Variants in KANK2 observed in about 807,000 individuals in gnomAD.
KANK2 encodes the protein KN motif and ankyrin repeat domains 2.
Under a neutral mutation model 74.6 loss-of-function variants are expected in KANK2, and 41 were observed. The ratio of observed to expected loss-of-function variants is 0.55; its 90% CI spans 0.43 to 0.71. KANK2 has a LOEUF of 0.71. Among genes scored for constraint, KANK2 ranks in the 30% least tolerant of loss-of-function variants. The pLI is 0.00. For synonymous variants in KANK2, 537 were observed against 519.0 expected (o/e 1.03, Z -0.47); for missense variants, 1,148 against 1,196.4 (o/e 0.96, Z 0.60).
At chr19:11,173,305 G>A (rs781419443) in intron 9 of KANK2, among the ~76,000 whole-genome samples, 182 bp from the exon 10 acceptor site, 1 of 152,216 alleles carries the variant, frequency 6.6e-6, no homozygotes, top group African/African-American at 2.4e-5. Flanking sequence ...TAAAGTTGGA[G>A]ACAGTTCCTC....
At position 11,193,312 on chromosome 19, in the gene KANK2, TG is replaced by T; in HGVS notation, c.767del (p.Pro256GlnfsTer78). On this transcript the variant is annotated frameshift_variant, in exon 4 of 13. Transcript: ENST00000586659. LOFTEE classifies it high-confidence loss of function. This position sits in a 1 kb window ranked among gnomAD's most constrained non-coding sequence, Gnocchi z 9.6. Reference protein sequence around the residue: ...SELCLDLPDPPEDPVALETRS... With the variant: ...SELCLDLPDPXEDPVALETRS... ...GGGTCTCCAGTGCCACTGGGTCCTCTGGGGGATCGGGGAGGTCCAGGCAGAG... is the reference window on the plus strand; with the variant it reads ...GGGTCTCCAGTGCCACTGGGTCCTCTGGGGATCGGGGAGGTCCAGGCAGAG... 1 of 1,612,416 alleles carries T rather than the reference TG, an allele frequency of 6.2e-7. No individual in the cohort carries two copies.
intron 4 of KANK2, among the ~76,000 whole-genome samples, chr19:11,183,738 C>T (rs1189710898): frequency 6.6e-6 from 1 of 151,412 alleles, no homozygotes; most frequent in Non-Finnish European, 1.5e-5. Context: ...GCAACTTTCG[C>T]CTCCCTGATT....
chr19:11,178,602 C>T lies in KANK2; in HGVS notation c.1368G>A (p.Glu456=), dbSNP rs2078419779. 3 of 1,603,772 alleles carry T rather than the reference C, an allele frequency of 1.9e-6. No individual in the cohort carries two copies. Among genetic ancestry groups the T allele is most frequent in the Admixed American group, 1.7e-5 (1 of 58,234 alleles). Reference sequence around the variant, plus strand: ...CTTGGGAGGCTGCTTGCCTGGTGGGCTCCCTGTGGGTGGGCTCCTGGGTGG... The same window carrying T: ...CTTGGGAGGCTGCTTGCCTGGTGGGTTCCCTGTGGGTGGGCTCCTGGGTGG... ...RVPTQEPTHR[E]PTRQAASQES... Residue 456 remains glutamate, a synonymous_variant, in exon 5 of 13, where the codon GAG becomes GAA. Transcript: ENST00000586659.
intron 4 of KANK2, among the ~76,000 whole-genome samples, chr19:11,184,114 T>C (rs888801514): frequency 6.6e-6 from 1 of 152,292 alleles, no homozygotes; most frequent in South Asian, 2.1e-4. Flanking sequence ...TGGTGGCTCA[T>C]GCCTGTAATC....
rs372653569 is a variant in KANK2, at chr19:11,169,863, G to T, written c.2502+14C>A. ...CCACCCATCCCGTGCCTACCCGGCC[G>T]GATTGAGACTCACCGAGCACTTGAT... On this transcript the variant is annotated intron_variant, in intron 12 of 12. Coordinates refer to ENST00000586659, the MANE Select transcript of KANK2 (RefSeq NM_001136191.3). 1.2e-6 allele frequency: 2 copies of T among 1,609,210 alleles called. No individual in the cohort carries two copies. The highest frequency in any genetic ancestry group is 2.7e-5 in the African/African-American group (2 of 74,822).
rs1229738131 is a variant in KANK2, at chr19:11,192,136, AAC to A, written c.1249+693_1249+694del. 5.9e-5 allele frequency among the ~76,000 whole-genome samples: 9 copies of A among 152,162 alleles called. No individual in the cohort carries two copies. In the East Asian group the frequency reaches 1.7e-3, roughly 29 times the overall value. On this transcript the variant is annotated intron_variant, in intron 4 of 12. Transcript: ENST00000586659. ...CTGAAGCTGTCATCAGTTACGTAATAACACATTTCCTTTTCACTGCTTGAACA... is the reference window on the plus strand; with the variant it reads ...CTGAAGCTGTCATCAGTTACGTAATAACATTTCCTTTTCACTGCTTGAACA...
chr19:11,175,740 G>A lies in KANK2; in HGVS notation c.1848+162C>T, dbSNP rs12460558. ...CTCCCCATCTCCCTGGCCTCTCTCC[G>A]AGGCCCATGACTTGAGCACCACCAC... On this transcript the variant is annotated intron_variant, in intron 8 of 12. Transcript: ENST00000586659. Among the ~76,000 whole-genome samples, 10,858 of 152,146 alleles carry A rather than the reference G, an allele frequency of 0.071. 457 individuals are homozygous for A. Among genetic ancestry groups the A allele is most frequent in the Admixed American group, 0.092 (1,404 of 15,272 alleles).
rs757666932 is a variant in KANK2, at chr19:11,175,987, A to G, written c.1763T>C (p.Met588Thr). 2.5e-6 allele frequency: 4 copies of G among 1,612,860 alleles called. No homozygotes were observed. Among genetic ancestry groups the G allele is most frequent in the East Asian group, 4.5e-5 (2 of 44,852 alleles). Reference protein sequence around the residue: ...SGSNTEEEIRMELSPDLISAC... With the variant: ...SGSNTEEEIRTELSPDLISAC... ...TGAGATGAGGTCAGGGCTTAGCTCC[A>G]TCCTGCCAGGAACAGACAAAGCGGG... is the stretch of plus-strand genomic sequence containing the variant. Residue 588 changes from methionine (M) to threonine (T), a missense_variant and splice_region_variant, in exon 8 of 13, where the codon ATG becomes ACG. By Grantham distance (81) the Met-to-Thr change is moderately conservative. Transcript: ENST00000586659.
At chr19:11,167,590 C>T (rs140321423) in intron 12 of KANK2, among the ~76,000 whole-genome samples, 7 of 147,688 alleles carry the variant, frequency 4.7e-5, no homozygotes, top group East Asian at 2.1e-4. Flanking sequence ...TGCAGTGGCG[C>T]GATCTCAGCT....
At chr19:11,168,416 C>T (rs1404550997) in intron 12 of KANK2, among the ~76,000 whole-genome samples, 1 of 152,068 alleles carries the variant, frequency 6.6e-6, no homozygotes, top group Non-Finnish European at 1.5e-5. Flanking sequence ...CTGCCTCAGC[C>T]TCCCGAGTAG....
Position 11,193,912 on chromosome 19 carries a change from G to A in KANK2, c.168C>T (p.Gly56=), listed in dbSNP as rs768868281. 3 of 1,613,800 alleles carry A rather than the reference G, an allele frequency of 1.9e-6. No individual in the cohort carries two copies. The highest frequency in any genetic ancestry group is 1.3e-5 in the African/African-American group (1 of 74,924). The change falls in exon 4 of 13, where the codon GGC becomes GGT. Residue 56 remains glycine, a synonymous_variant. Coordinates refer to ENST00000586659, the MANE Select transcript of KANK2 (RefSeq NM_001136191.3). This position sits in a 1 kb window ranked among gnomAD's most constrained non-coding sequence, Gnocchi z 9.6. ...FLKYVDDIEK[G]HTLRRVAVQR... ...GCACTGCCACGCGTCGCAGCGTGTG[G>A]CCCTTCTCGATGTCATCCACGTACT...
At position 11,192,917 on chromosome 19, in the gene KANK2, A is replaced by G. The variant is rs1363052961; in HGVS notation, c.1163T>C (p.Met388Thr). The G allele has an allele frequency of 2.5e-6, 4 of 1,613,834 alleles. No individual in the cohort carries two copies. Among genetic ancestry groups the G allele is most frequent in the Non-Finnish European group, 3.4e-6 (4 of 1,179,980 alleles). Reference sequence around the variant, plus strand: ...GGTAGCTGCAGCGGGCACTGGGCACATTGTCTCCACCACCTCCTGGCTGCG... The same window carrying G: ...GGTAGCTGCAGCGGGCACTGGGCACGTTGTCTCCACCACCTCCTGGCTGCG... The part of the protein sequence containing the change: ...VFRSQEVVET[M>T]CPVPAAATSN... Residue 388 changes from methionine (M) to threonine (T), a missense_variant, in exon 4 of 13, where the codon ATG becomes ACG. Met to Thr is a moderately conservative substitution (Grantham distance 81). Transcript: ENST00000586659.
intron 12 of KANK2, among the ~76,000 whole-genome samples, chr19:11,169,055 T>A (rs1029340431): frequency 6.6e-6 from 1 of 151,724 alleles, no homozygotes; most frequent in East Asian, 1.9e-4. Flanking sequence ...TGTTAAAAAA[T>A]GTCCGGGTGC....
chr19:11,181,134 A>G (rs2078505999), intron 4 of KANK2, among the ~76,000 whole-genome samples: 1 of 151,150 alleles, frequency 6.6e-6, no homozygotes, highest in South Asian at 2.1e-4. Flanking sequence ...AGAGCCAAAA[A>G]ATGAGGTGGA....
chr19:11,169,378 T>C (rs2078109164), intron 12 of KANK2, among the ~76,000 whole-genome samples: 1 of 151,990 alleles, frequency 6.6e-6, no homozygotes, highest in South Asian at 2.1e-4. Flanking sequence ...TGTGGTGACG[T>C]GCGCCTGTAG....
chr19:11,171,849 T>C (rs2078183385), intron 10 of KANK2, among the ~76,000 whole-genome samples: 1 of 150,994 alleles, frequency 6.6e-6, no homozygotes, highest in Non-Finnish European at 1.5e-5. Flanking sequence ...TTTTATATAT[T>C]TTTTTTAGTA....
In KANK2 at chr19:11,193,809, C is replaced by T. The variant is rs1039934970; in HGVS notation, c.271G>A (p.Ala91Thr). Reference protein sequence around the residue: ...WTSTESLCSNASGDSRHSAYS... With the variant: ...WTSTESLCSNTSGDSRHSAYS... ...GCTGAGTGGCGGCTGTCCCCACTGG[C>T]ATTGGAGCACAGCGACTCAGTGGAC... is the stretch of plus-strand genomic sequence containing the variant. The change falls in exon 4 of 13, where the codon GCC becomes ACC. Residue 91 changes from alanine (A) to threonine (T), a missense_variant. Ala to Thr is a moderately conservative substitution (Grantham distance 58, BLOSUM62 0). Transcript: ENST00000586659. This position sits in a 1 kb window ranked among gnomAD's most constrained non-coding sequence, Gnocchi z 9.6. 4 of 1,612,676 alleles carry T rather than the reference C, an allele frequency of 2.5e-6. No individual in the cohort carries two copies. The East Asian group carries it at 8.9e-5, about 36-fold the overall frequency.
At position 11,193,700 on chromosome 19, in the gene KANK2, G is replaced by C; in HGVS notation, c.380C>G (p.Thr127Arg). 6.2e-7 allele frequency: 1 copy of C among 1,611,502 alleles called. No individual in the cohort carries two copies. The highest frequency in any genetic ancestry group is 8.5e-7 in the Non-Finnish European group (1 of 1,179,174). The change falls in exon 4 of 13, where the codon ACG becomes AGG. Residue 127 changes from threonine to arginine, a missense_variant. Coordinates refer to ENST00000586659, the MANE Select transcript of KANK2 (RefSeq NM_001136191.3). The surrounding 1 kb of genome is among the most constrained non-coding windows in gnomAD (Gnocchi z 9.6). ...RGGFNPRVER[T>R]LLDARRRLED... ...GAGACGGCGACGGGCATCCAGCAGC[G>C]TGCGCTCCACCCGCGGATTGAAGCC...
chr19:11,195,384 C>T (rs1021651428), intron 2 of KANK2, among the ~76,000 whole-genome samples: 2 of 152,082 alleles, frequency 1.3e-5, no homozygotes, highest in Non-Finnish European at 2.9e-5. Flanking sequence ...TCACTAAACC[C>T]CCCTCAGCCT....
Sources: gnomAD v4.1 joint callset for allele counts (sites outside exome capture counted in the v4.1 genomes callset) on GRCh38, gnomAD v4.1.1 for gene constraint, Gnocchi (gnomAD v3.1) non-coding constraint, MANE v1.5 for transcripts, NCBI Gene and HGNC (gene_info 2026-07-23, HGNC 2026-07-21) for gene names.